The following SVOP variants were observed in gnomAD, a reference collection of about 807,000 sequenced individuals.
SVOP encodes synaptic vesicle 2-related protein.
In SVOP, 17 loss-of-function variants were observed where a neutral mutation model predicts 69.1. The observed-to-expected ratio is 0.25, with a 90% CI of 0.17 to 0.37. SVOP has a LOEUF of 0.37. SVOP is among the 10% of genes least tolerant of loss of function. The probability of loss-of-function intolerance (pLI) is 1.00; values close to 1 mark genes in which losing one functional copy is unlikely to be tolerated. For missense variants in SVOP, 435 were observed against 597.5 expected, an observed-to-expected ratio of 0.73 and a Z score of 2.84; for synonymous variants, 238 against 238.6, an observed-to-expected ratio of 1.00 and a Z score of 0.02.
chr12:108,931,555 T>G (rs2039818687), intron 11 of SVOP, among the ~76,000 whole-genome samples: 1 of 152,062 alleles, frequency 6.6e-6, no homozygotes, highest in African/African-American at 2.4e-5. Flanking sequence ...GCTTCCCGGC[T>G]CTGCATGGTG....
rs938630818 is a variant in SVOP, at chr12:108,909,444, A to G, written c.*3091T>C. 27 of 150,694 alleles carry G rather than the reference A, an allele frequency of 1.8e-4. No homozygotes were observed. Among genetic ancestry groups the G allele is most frequent in the African/African-American group, 6.4e-4 (26 of 40,410 alleles). The allele number at this position is 150,694 out of a possible 1,614,324, so 9.3% of individuals were successfully genotyped here. On this transcript the variant is annotated 3_prime_UTR_variant, in exon 16 of 16. Transcript: ENST00000610966. The stretch of plus-strand genomic sequence containing the variant: ...GGAGGGAGAATCGCTTGAACCTGGG[A>G]GACAGAGTTGCAGTGAGCTGAGACT...
chr12:109,016,141 C>T (rs1374790448), intron 1 of SVOP, among the ~76,000 whole-genome samples: 2 of 152,266 alleles, frequency 1.3e-5, no homozygotes, highest in Admixed American at 6.5e-5. Context: ...AGCTTCCCAG[C>T]GATTATCTCT....
At chr12:108,955,900 A>C (rs779451207) in intron 6 of SVOP, among the ~76,000 whole-genome samples, 2 of 152,244 alleles carry the variant, frequency 1.3e-5, no homozygotes, top group Non-Finnish European at 2.9e-5. Flanking sequence ...AAACAGATGC[A>C]GGAAGGTTCA....
intron 1 of SVOP, among the ~76,000 whole-genome samples, chr12:108,999,634 A>C (rs2040256481): frequency 6.9e-6 from 1 of 145,086 alleles, no homozygotes; most frequent in Non-Finnish European, 1.5e-5. Context: ...AGTGCAATCA[A>C]ACTAGAACTC....
At chr12:108,930,416 G>C (rs1330538662) in intron 11 of SVOP, among the ~76,000 whole-genome samples, 2 of 143,920 alleles carry the variant, frequency 1.4e-5, no homozygotes, top group East Asian at 4.3e-4. Flanking sequence ...TATTTGAATA[G>C]AGTTTGAACA....
intron 7 of SVOP, among the ~76,000 whole-genome samples, chr12:108,941,435 A>T (rs1054542834): frequency 6.6e-6 from 1 of 152,180 alleles, no homozygotes; most frequent in African/African-American, 2.4e-5. Context: ...TATGTTTCCC[A>T]GGCCTCCTGG....
intron 1 of SVOP, among the ~76,000 whole-genome samples, chr12:109,018,105 G>GGATGAATGAATGA (rs2040378244): frequency 9.0e-6 from 1 of 110,638 alleles, no homozygotes; most frequent in South Asian, 2.3e-4. Flanking sequence ...AGAATGGATG[G>GGATGAATGAATGA]ATGAATGAAT....
chr12:108,937,936 C>G (rs1394910414), intron 9 of SVOP, among the ~76,000 whole-genome samples: 1 of 152,192 alleles, frequency 6.6e-6, no homozygotes, highest in African/African-American at 2.4e-5. Context: ...AGGTTGATCA[C>G]TTGAAGCCAG....
At chr12:108,976,144 G>T (rs2040105245) in intron 4 of SVOP, among the ~76,000 whole-genome samples, 1 of 152,066 alleles carries the variant, frequency 6.6e-6, no homozygotes, top group African/African-American at 2.4e-5. Context: ...CATTTCGCAG[G>T]CCACAAAATA....
chr12:108,994,838 T>C (rs2040222379), intron 1 of SVOP, among the ~76,000 whole-genome samples: 1 of 152,168 alleles, frequency 6.6e-6, no homozygotes. Flanking sequence ...GCACATCCAC[T>C]TTTTAAATGT....
chr12:108,976,224 T>C (rs2040105602), intron 4 of SVOP, among the ~76,000 whole-genome samples: 1 of 152,140 alleles, frequency 6.6e-6, no homozygotes, highest in Admixed American at 6.5e-5. Flanking sequence ...CAGGTGTATG[T>C]GCCATGAAAC....
At chr12:108,965,671 T>C (rs2040041003) in intron 5 of SVOP, among the ~76,000 whole-genome samples, 1 of 152,214 alleles carries the variant, frequency 6.6e-6, no homozygotes, top group Non-Finnish European at 1.5e-5. Context: ...GCCTATGGGT[T>C]ACCAGTTTGC....
At chr12:108,931,811 C>A (rs1026495077) in intron 11 of SVOP, among the ~76,000 whole-genome samples, 1 of 143,992 alleles carries the variant, frequency 6.9e-6, no homozygotes, top group East Asian at 2.1e-4. Context: ...TCCAGCCTGG[C>A]GACTGAGCGA....
chr12:109,008,964 T>TC (rs1275599611), intron 1 of SVOP, among the ~76,000 whole-genome samples: 1 of 141,664 alleles, frequency 7.1e-6, no homozygotes, highest in Non-Finnish European at 1.5e-5. Flanking sequence ...TTCTTTCTTT[T>TC]TTTTTTTTTT....
chr12:108,925,343 T>C (rs1274601637), intron 11 of SVOP, among the ~76,000 whole-genome samples: 1 of 152,198 alleles, frequency 6.6e-6, no homozygotes. Context: ...TTCGGTTCAG[T>C]AATACTGCCG....
In SVOP at chr12:108,912,315, A is replaced by G. The variant is rs1593173653; in HGVS notation, c.*220T>C. 6 of 1,419,462 alleles carry G rather than the reference A, an allele frequency of 4.2e-6. No homozygotes were observed. Among genetic ancestry groups the G allele is most frequent in the Non-Finnish European group, 5.5e-6 (6 of 1,090,436 alleles). The allele number at this position is 1,419,462 out of a possible 1,614,324, so 87.9% of individuals were successfully genotyped here. On this transcript the variant is annotated 3_prime_UTR_variant, in exon 16 of 16. Transcript: ENST00000610966. ...TCCACAGGTTATGAACAAAGCTTTC[A>G]CCACATATACAGAGAACCCCCTAGA...
intron 1 of SVOP, among the ~76,000 whole-genome samples, chr12:109,002,917 C>A (rs1236230216): frequency 1.3e-5 from 2 of 149,802 alleles, no homozygotes; most frequent in Middle Eastern, 6.8e-3. Context: ...ATGTAACTAA[C>A]CTGCACAATG....
At chr12:108,919,195 C>A (rs2039733172) in intron 13 of SVOP, among the ~76,000 whole-genome samples, 1 of 151,652 alleles carries the variant, frequency 6.6e-6, no homozygotes, top group South Asian at 2.1e-4. Context: ...GGGCTTACAC[C>A]CACACTTGGG....
At chr12:109,000,975 G>T (rs1231723992) in intron 1 of SVOP, among the ~76,000 whole-genome samples, 12 of 151,542 alleles carry the variant, frequency 7.9e-5, no homozygotes, top group Non-Finnish European at 1.6e-4. Flanking sequence ...AATTAGGCTG[G>T]AGAAGGAAAT....
Sources: allele counts gnomAD v4.1 joint callset (sites outside exome capture counted in the v4.1 genomes callset), GRCh38; gene constraint gnomAD v4.1.1; transcripts MANE v1.5; gene names NCBI Gene and HGNC (gene_info 2026-07-23, HGNC 2026-07-21).